Variants in ZBBX observed in about 807,000 individuals in gnomAD.
ZBBX encodes zinc finger B-box domain-containing protein 1.
ZBBX carries 101 observed loss-of-function variants against 108.5 expected under a neutral mutation model. The ratio of observed to expected loss-of-function variants is 0.93; its 90% CI spans 0.79 to 1.10. The LOEUF is 1.10. Among genes scored for constraint, ZBBX ranks in the 50% least tolerant of loss-of-function variants. The pLI is 0.00. For synonymous variants in ZBBX, 356 were observed against 323.4 expected, an observed-to-expected ratio of 1.10 and a Z score of -1.08; for missense variants, 1,009 against 941.4, an observed-to-expected ratio of 1.07 and a Z score of -0.94.
At chr3:167,323,444 A>C (rs2108333289) in intron 11 of ZBBX, among the ~76,000 whole-genome samples, 1 of 152,184 alleles carries the variant, frequency 6.6e-6, no homozygotes, top group South Asian at 2.1e-4. Flanking sequence ...TTTGTTTGTG[A>C]ATATGTTGAT....
chr3:167,399,546 T>A (rs1748352019), intron 1 of ZBBX: 1 of 152,076 alleles, frequency 6.6e-6, no homozygotes, highest in South Asian at 2.1e-4. Flanking sequence ...TTGACTGAGA[T>A]GGGCGCTGGA....
At chr3:167,332,666 A>C (rs1738853456) in intron 10 of ZBBX, among the ~76,000 whole-genome samples, 1 of 152,174 alleles carries the variant, frequency 6.6e-6, no homozygotes, top group South Asian at 2.1e-4. Flanking sequence ...TGCCTAGCAT[A>C]AGGTGTTCAA....
chr3:167,287,783 T>C (rs1414860247), intron 19 of ZBBX, among the ~76,000 whole-genome samples: 5 of 152,116 alleles, frequency 3.3e-5, no homozygotes, highest in African/African-American at 1.2e-4. Context: ...GATGTAAAAA[T>C]AGGCATCTAA....
the ZBBX span, among the ~76,000 whole-genome samples, chr3:167,191,581 T>C: frequency 2.4e-3 from 365 of 152,214 alleles, 3 homozygotes; most frequent in African/African-American, 8.5e-3. Context: ...ACAAGCTCTG[T>C]CTTTGCCTGC....
chr3:167,280,084 T>C (rs542210613), intron 20 of ZBBX, among the ~76,000 whole-genome samples: 5 of 151,972 alleles, frequency 3.3e-5, no homozygotes, highest in Non-Finnish European at 7.4e-5. Flanking sequence ...TTACACCTTA[T>C]ACAAAAATCA....
At chr3:167,249,417 G>A (rs994808457) in intron 20 of ZBBX, among the ~76,000 whole-genome samples, 9 of 152,238 alleles carry the variant, frequency 5.9e-5, no homozygotes, top group South Asian at 2.1e-4. Context: ...AACCCCAGCA[G>A]AGGATCCAGC....
rs561219523 is a variant in ZBBX at position 167,372,991 on chromosome 3, A to G, written c.-49-41T>C. On this transcript the variant is annotated intron_variant, in intron 3 of 21. Transcript: ENST00000675490. The stretch of plus-strand genomic sequence containing the variant: ...AGACAAAAGAATTATGGCAGAGGTG[A>G]AGCAGTATAAGTTACAAATTCAAAA... 26 of 948,850 alleles carry G rather than the reference A, an allele frequency of 2.7e-5. No homozygotes were observed. The African/African-American group carries it at 3.8e-4, about 14-fold the overall frequency. 58.8% of individuals were successfully genotyped at this position (948,850 alleles called of 1,614,324 possible).
intron 4 of ZBBX, among the ~76,000 whole-genome samples, chr3:167,369,716 G>A (rs1366940544): frequency 6.6e-6 from 1 of 152,110 alleles, no homozygotes; most frequent in Non-Finnish European, 1.5e-5. Context: ...GAAGTACAGG[G>A]GGCTACCTGG....
In ZBBX at chr3:167,240,130, A is replaced by ATC. The variant is rs1391103000; in HGVS notation, c.*661_*662dup. Among the ~76,000 whole-genome samples the ATC allele has an allele frequency of 6.6e-6, 1 of 152,114 alleles. No homozygotes were observed. The highest frequency in any genetic ancestry group is 2.4e-5 in the African/African-American group (1 of 41,440). ...TATAGAAACTACAATTCAAGATGAG[A>ATC]TCTGGGTGGGGACAGAGCCAACCCA... On this transcript the variant is annotated 3_prime_UTR_variant, in exon 22 of 22. Transcript: ENST00000675490.
At chr3:167,272,678 G>C (rs906512229) in intron 20 of ZBBX, among the ~76,000 whole-genome samples, 2 of 152,128 alleles carry the variant, frequency 1.3e-5, no homozygotes, top group Non-Finnish European at 2.9e-5. Context: ...TTTGACGCTT[G>C]TCTAGTCATA....
chr3:167,293,454 T>A (rs892506153), intron 18 of ZBBX, among the ~76,000 whole-genome samples: 1 of 152,214 alleles, frequency 6.6e-6, no homozygotes, highest in Admixed American at 6.5e-5. Flanking sequence ...CATATGATTA[T>A]CTTAACAGAT....
At chr3:167,271,202 A>G (rs949305045) in intron 20 of ZBBX, among the ~76,000 whole-genome samples, 1 of 132,394 alleles carries the variant, frequency 7.6e-6, no homozygotes, top group Non-Finnish European at 1.8e-5. Flanking sequence ...AATTTGGACT[A>G]AACAAGGTCT....
chr3:167,315,334 C>A (rs1278725546), intron 15 of ZBBX, among the ~76,000 whole-genome samples: 1 of 152,044 alleles, frequency 6.6e-6, no homozygotes, highest in Non-Finnish European at 1.5e-5. Flanking sequence ...AGTACAGGAG[C>A]TCTTTTAGTC....
chr3:167,182,883 A>C, the ZBBX span, among the ~76,000 whole-genome samples: 10 of 152,138 alleles, frequency 6.6e-5, no homozygotes, highest in African/African-American at 2.2e-4. Flanking sequence ...TAGCTATATT[A>C]TTTCCCTGTT....
At chr3:167,264,660 A>T (rs975040559) in intron 20 of ZBBX, among the ~76,000 whole-genome samples, 9 of 152,200 alleles carry the variant, frequency 5.9e-5, no homozygotes, top group Non-Finnish European at 1.3e-4. Context: ...ACACACCACC[A>T]TTACAGTGTT....
At chr3:167,370,338 A>AGTTT (rs1415303358) in intron 4 of ZBBX, among the ~76,000 whole-genome samples, 3,164 of 152,250 alleles carry the variant, frequency 0.021, 70 homozygotes, top group East Asian at 0.11. Context: ...ATCTAAAATA[A>AGTTT]TCCCATGTTT....
the ZBBX span, among the ~76,000 whole-genome samples, chr3:167,192,152 T>C: frequency 6.6e-6 from 1 of 151,940 alleles, no homozygotes; most frequent in Non-Finnish European, 1.5e-5. Flanking sequence ...CACATATTTA[T>C]AGTACTAGAA....
chr3:167,374,620 A>G (rs1162206667), intron 2 of ZBBX, among the ~76,000 whole-genome samples: 6 of 152,140 alleles, frequency 3.9e-5, no homozygotes. Context: ...TATACAAGGC[A>G]ATGTGCTGAG....
chr3:167,337,528 A>AT (rs1739771820), intron 9 of ZBBX, among the ~76,000 whole-genome samples: 1 of 152,058 alleles, frequency 6.6e-6, no homozygotes, highest in African/African-American at 2.4e-5. Context: ...CAGAAAAAAA[A>AT]AGTTTATCTA....
Sources: allele counts gnomAD v4.1 joint callset (sites outside exome capture counted in the v4.1 genomes callset), GRCh38; gene constraint gnomAD v4.1.1; transcripts MANE v1.5; gene names NCBI Gene and HGNC (gene_info 2026-07-23, HGNC 2026-07-21).